Variants in ACO2 observed in about 807,000 individuals in gnomAD.
ACO2 encodes aconitase 2.
ACO2 carries 31 observed loss-of-function variants against 84.5 expected under a neutral mutation model. That is an observed-to-expected ratio of 0.37 (90% CI 0.28 to 0.50). The LOEUF (loss-of-function observed/expected upper bound fraction) is 0.50. ACO2 is among the 20% of genes least tolerant of loss of function. The pLI, the probability that ACO2 is intolerant of heterozygous loss-of-function variation, is 0.97. For missense variants in ACO2, 685 were observed against 1,029.3 expected, an observed-to-expected ratio of 0.67 and a Z score of 4.58; for synonymous variants, 414 against 412.7, an observed-to-expected ratio of 1.00 and a Z score of -0.04.
At chr22:41,499,966 G>C in intron 2 of ACO2, 104 bp downstream of exon 2, 1 of 1,455,460 alleles carries the variant, frequency 6.9e-7, no homozygotes, top group Admixed American at 1.8e-5. Flanking sequence ...TGGTGATAGT[G>C]GCAGGGTCAA....
At chr22:41,510,142 G>A (rs1209050142) in intron 3 of ACO2, among the ~76,000 whole-genome samples, 2 of 152,124 alleles carry the variant, frequency 1.3e-5, no homozygotes, top group East Asian at 1.9e-4. Context: ...GGCCTAGAAT[G>A]TGGTCATTAT....
chr22:41,486,698 C>T (rs995598459), intron 1 of ACO2, among the ~76,000 whole-genome samples: 1 of 151,838 alleles, frequency 6.6e-6, no homozygotes, highest in African/African-American at 2.4e-5. Context: ...TCTCGATCTC[C>T]TGACGTTGTG....
intron 2 of ACO2, among the ~76,000 whole-genome samples, chr22:41,502,595 T>C (rs2066361060): frequency 6.6e-6 from 1 of 152,128 alleles, no homozygotes; most frequent in Admixed American, 6.6e-5. Flanking sequence ...CATAGAGATT[T>C]GTTTTGTTGT....
chr22:41,483,924 A>G (rs80014224), intron 1 of ACO2, among the ~76,000 whole-genome samples: 6,626 of 152,244 alleles, frequency 0.044, 467 homozygotes, highest in African/African-American at 0.15. Context: ...CCAGAGAGGT[A>G]TTAGACCTTA....
At position 41,515,761 on chromosome 22, in the gene ACO2, G is replaced by T; in HGVS notation, c.685-6G>T. The T allele has an allele frequency of 6.2e-7, 1 of 1,613,184 alleles. No individual in the cohort carries two copies. The highest frequency in any genetic ancestry group is 8.5e-7 in the Non-Finnish European group (1 of 1,179,962). On this transcript the variant is annotated splice_polypyrimidine_tract_variant and splice_region_variant and intron_variant, in intron 5 of 17. Transcript: ENST00000216254. This position sits in a 1 kb window ranked among gnomAD's most constrained non-coding sequence, Gnocchi z 5.8. Reference sequence around the variant, plus strand: ...TCTCACAGCCGCCTCGCCCCCTCCTGTCCAGGTGATTGGCGTGAAGCTGAC... The same window carrying T: ...TCTCACAGCCGCCTCGCCCCCTCCTTTCCAGGTGATTGGCGTGAAGCTGAC...
At chr22:41,517,467 C>G (rs373572985) in intron 6 of ACO2, 60 bp from the exon 7 acceptor site, 19 of 1,384,448 alleles carry the variant, frequency 1.4e-5, no homozygotes, top group East Asian at 4.7e-5. Context: ...GGCCGCGTAG[C>G]AGGTGTGTGG....
chr22:41,506,146 G>C (rs925238922), intron 2 of ACO2, among the ~76,000 whole-genome samples: 2 of 151,926 alleles, frequency 1.3e-5, no homozygotes, highest in Admixed American at 1.3e-4. Flanking sequence ...GGAGTGCAGT[G>C]ATGTGATCAG....
rs776637574 is a variant in ACO2 at position 41,523,288 on chromosome 22, G to A, written c.1370+10G>A. 24 of 1,597,524 alleles carry A rather than the reference G, an allele frequency of 1.5e-5. No homozygotes were observed. The highest frequency in any genetic ancestry group is 5.6e-5 in the South Asian group (5 of 89,692). ...TTGGCCAGTGGGACAGGTAAGAGGC[G>A]TATCTTTTGACAAGACAGCCCCTTG... On this transcript the variant is annotated intron_variant, in intron 11 of 17. Coordinates refer to ENST00000216254, the MANE Select transcript of ACO2 (RefSeq NM_001098.3).
rs140295134 is a variant in ACO2, at chr22:41,476,959, G to T, written c.36+7777G>T. 7.0e-3 allele frequency among the ~76,000 whole-genome samples: 1,053 copies of T among 151,128 alleles called. 5 individuals carry two copies. Among genetic ancestry groups the T allele is most frequent in the Non-Finnish European group, 0.012 (795 of 67,684 alleles). ...GGGTCAGGAGTTCAAGACCAGCCTG[G>T]CCAACATGGTGAAACTCTGTCTCTA... On this transcript the variant is annotated intron_variant, in intron 1 of 17. Coordinates refer to ENST00000216254, the MANE Select transcript of ACO2 (RefSeq NM_001098.3).
intron 1 of ACO2, among the ~76,000 whole-genome samples, chr22:41,497,300 C>G (rs1255951171): frequency 1.3e-5 from 2 of 152,072 alleles, no homozygotes. Context: ...AATTGCTGAC[C>G]TCAGGCGATC....
intron 1 of ACO2, among the ~76,000 whole-genome samples, chr22:41,481,204 G>C (rs1260052163): frequency 6.6e-6 from 1 of 152,220 alleles, no homozygotes; most frequent in African/African-American, 2.4e-5. Flanking sequence ...AGCTAGGGAA[G>C]CTGAGATTCC....
intron 1 of ACO2, among the ~76,000 whole-genome samples, chr22:41,476,260 AGTC>A (rs147943536): frequency 0.012 from 1,779 of 151,598 alleles, 37 homozygotes; most frequent in African/African-American, 0.041. Context: ...ATACAAAATT[AGTC>A]AGGTGTGGTG....
At chr22:41,526,531 G>T in intron 15 of ACO2, 78 bp downstream of exon 15, 1 of 1,495,018 alleles carries the variant, frequency 6.7e-7, no homozygotes, top group Non-Finnish European at 9.0e-7. Flanking sequence ...GAGGACATTA[G>T]GGGAGTGGAA....
At chr22:41,521,100 A>T (rs564318439) in intron 9 of ACO2, among the ~76,000 whole-genome samples, 1 of 152,106 alleles carries the variant, frequency 6.6e-6, no homozygotes, top group South Asian at 2.1e-4. Context: ...AGAAAAGAAA[A>T]ATATGTTTAT....
chr22:41,515,291 G>A lies in ACO2; in HGVS notation c.526-86G>A. 6.6e-7 allele frequency: 1 copy of A among 1,505,988 alleles called. No individual in the cohort carries two copies. Among genetic ancestry groups the A allele is most frequent in the Non-Finnish European group, 9.2e-7 (1 of 1,086,230 alleles). 93.3% of individuals were successfully genotyped at this position (1,505,988 alleles called of 1,614,324 possible). ...CCATCCTGGGAGAGTGGCTGGACGT[G>A]GTTGGGAGGCCCCGGGTCAGTGGGG... On this transcript the variant is annotated intron_variant, in intron 4 of 17. Transcript: ENST00000216254. This position sits in a 1 kb window ranked among gnomAD's most constrained non-coding sequence, Gnocchi z 5.8.
At chr22:41,513,895 ATGTC>A (rs1459624813) in intron 4 of ACO2, among the ~76,000 whole-genome samples, 3 of 145,722 alleles carry the variant, frequency 2.1e-5, no homozygotes, top group African/African-American at 7.4e-5. Flanking sequence ...TGCAGTCCTC[ATGTC>A]TGCCTGACCT....
At chr22:41,512,449 G>C (rs183807269) in intron 4 of ACO2, among the ~76,000 whole-genome samples, 1 of 152,260 alleles carries the variant, frequency 6.6e-6, no homozygotes, top group African/African-American at 2.4e-5. Flanking sequence ...CCCTACAGAG[G>C]AGGCAGCTGA....
intron 15 of ACO2, 100 bp downstream of exon 15, chr22:41,526,553 G>C: frequency 7.3e-7 from 1 of 1,365,984 alleles, no homozygotes; most frequent in Non-Finnish European, 9.9e-7. Context: ...CTGGGAAGGA[G>C]GCCGACCAAG....
chr22:41,486,104 T>TTG lies in ACO2; in HGVS notation c.37-13608_37-13607dup, dbSNP rs367749433. On this transcript the variant is annotated intron_variant, in intron 1 of 17. Transcript: ENST00000216254. ...ATTCTCTGTGCTCCACTCCTGCCCC[T>TTG]TGTGTGTGTGTGTGTCCTTCTTTCA... 8.5e-3 allele frequency among the ~76,000 whole-genome samples: 1,293 copies of TTG among 151,818 alleles called. 7 individuals carry two copies. The highest frequency in any genetic ancestry group is 0.012 in the Non-Finnish European group (798 of 67,858).
Sources: allele counts gnomAD v4.1 joint callset (sites outside exome capture counted in the v4.1 genomes callset), GRCh38; gene constraint gnomAD v4.1.1; non-coding constraint Gnocchi (gnomAD v3.1); transcripts MANE v1.5; gene names NCBI Gene and HGNC (gene_info 2026-07-23, HGNC 2026-07-21).